Variants in DCP1B observed in about 807,000 individuals in gnomAD.
DCP1B encodes decapping mRNA 1B.
DCP1B carries 47 observed loss-of-function variants against 60.5 expected under a neutral mutation model. That is an observed-to-expected ratio of 0.78 (90% CI 0.61 to 0.99). The LOEUF (loss-of-function observed/expected upper bound fraction) is 0.99. Ranked by LOEUF, DCP1B falls within the 50% of genes least tolerant of loss-of-function variation. The probability of loss-of-function intolerance (pLI) is 0.00; values close to 1 mark genes in which losing one functional copy is unlikely to be tolerated. For missense variants in DCP1B, 725 were observed against 756.8 expected (o/e 0.96, Z 0.49); for synonymous variants, 267 against 280.3 (o/e 0.95, Z 0.47).
intron 6 of DCP1B, among the ~76,000 whole-genome samples, chr12:1,953,661 A>G (rs1165157746): frequency 6.6e-6 from 1 of 152,228 alleles, no homozygotes; most frequent in Non-Finnish European, 1.5e-5. Context: ...GTAATATGAG[A>G]ATACAAAGGA....
In DCP1B at chr12:1,953,130, A is replaced by C. The variant is rs1195463471; in HGVS notation, c.810T>G (p.Val270=). The C allele has an allele frequency of 1.2e-6, 2 of 1,612,972 alleles. No homozygotes were observed. Among genetic ancestry groups the C allele is most frequent in the East Asian group, 4.5e-5 (2 of 44,800 alleles). ...QQEKLPIRQG[V]VRSLSYEEPR... ...GTTCCTCATAGGACAGGGAGCGTAC[A>C]ACCCCCTGCCTAATTGGAAGCTTCT... Residue 270 remains valine, a synonymous_variant, in exon 7 of 9, where the codon GTT becomes GTG. Coordinates refer to ENST00000280665, the MANE Select transcript of DCP1B (RefSeq NM_152640.5).
downstream of DCP1B, among the ~76,000 whole-genome samples, chr12:1,945,193 G>A (rs887510170): frequency 8.5e-5 from 13 of 152,282 alleles, no homozygotes; most frequent in African/African-American, 2.9e-4. Flanking sequence ...ATCATCACTG[G>A]TCATTAGAGA....
At chr12:1,969,586 G>GC in intron 3 of DCP1B, among the ~76,000 whole-genome samples, 1 of 140,284 alleles carries the variant, frequency 7.1e-6, no homozygotes, top group East Asian at 2.1e-4. Flanking sequence ...GAGTTCTGAA[G>GC]CCCATGTGCT....
chr12:1,953,378 T>C (rs2030764213), intron 6 of DCP1B, 90 bp from the exon 7 acceptor site: 1 of 1,349,436 alleles, frequency 7.4e-7, no homozygotes, highest in South Asian at 1.5e-5. Flanking sequence ...TGATGACTTA[T>C]TCTATTTACA....
chr12:1,990,373 C>A (rs975216915), intron 3 of DCP1B, among the ~76,000 whole-genome samples: 4 of 152,142 alleles, frequency 2.6e-5, no homozygotes, highest in South Asian at 2.1e-4. Flanking sequence ...ATGTTTAAAC[C>A]CTTTAAACAA....
rs992002224 is a variant in DCP1B at position 1,948,856 on chromosome 12, C to T, written c.1773+230G>A. ...GACAGCTTGGAGGCCTTAGACAGTC[C>T]TTCAAATTACAAAATCCTTGAAGAG... On this transcript the variant is annotated intron_variant, in intron 8 of 8. Coordinates refer to ENST00000280665, the MANE Select transcript of DCP1B (RefSeq NM_152640.5). This position sits in a 1 kb window ranked among gnomAD's most constrained non-coding sequence, Gnocchi z 4.8. Among the ~76,000 whole-genome samples the T allele has an allele frequency of 7.2e-5, 11 of 152,222 alleles. 1 individual carries two copies. The highest frequency in any genetic ancestry group is 2.4e-4 in the African/African-American group (10 of 41,452).
rs549038192 is a variant in DCP1B at position 1,961,484 on chromosome 12, T to A, written c.522+4074A>T. The A allele has an allele frequency of 6.6e-5, 10 of 152,316 alleles. No homozygotes were observed. In the South Asian group the frequency reaches 2.1e-3, roughly 32 times the overall value. 9.4% of individuals were successfully genotyped at this position (152,316 alleles called of 1,614,324 possible). A position where few individuals can be genotyped will look rare whatever the true frequency, so the allele number is the denominator to read the frequency against. On this transcript the variant is annotated intron_variant, in intron 5 of 8. Coordinates refer to ENST00000280665, the MANE Select transcript of DCP1B (RefSeq NM_152640.5). ...ACGCATAAAACAACATGTATTTGAT[T>A]TTTACAGAAAAGCACCTTCTATACA... is the stretch of plus-strand genomic sequence containing the variant.
rs185853836 is a variant in DCP1B, at chr12:1,961,829, G to T, written c.522+3729C>A. Among the ~76,000 whole-genome samples the T allele has an allele frequency of 2.7e-4, 41 of 152,296 alleles. No homozygotes were observed. In the East Asian group the frequency reaches 7.4e-3, roughly 27 times the overall value. On this transcript the variant is annotated intron_variant, in intron 5 of 8. Transcript: ENST00000280665. Reference sequence around the variant, plus strand: ...TTCCAAGACATAGGCACAGTATAAAGTGATGGCCTAAATTAAATCTCCAGA... The same window carrying T: ...TTCCAAGACATAGGCACAGTATAAATTGATGGCCTAAATTAAATCTCCAGA...
At chr12:1,979,948 A>G (rs2035624293) in intron 3 of DCP1B, among the ~76,000 whole-genome samples, 1 of 152,236 alleles carries the variant, frequency 6.6e-6, no homozygotes, top group Non-Finnish European at 1.5e-5. Context: ...CAGAATTCCC[A>G]GAAAATTAAA....
At chr12:1,943,148 A>G (rs2030321389), downstream of DCP1B, among the ~76,000 whole-genome samples, 1 of 152,220 alleles carries the variant, frequency 6.6e-6, no homozygotes, top group Non-Finnish European at 1.5e-5. Flanking sequence ...ACAAACTACC[A>G]TCAGAGAATA....
At chr12:1,946,365 A>T in intron 8 of DCP1B, 79 bp from the exon 9 acceptor site, 1 of 1,143,350 alleles carries the variant, frequency 8.7e-7, no homozygotes, top group Non-Finnish European at 1.2e-6. Flanking sequence ...TTAGAGCTGA[A>T]CTGGCCTTTG....
intron 3 of DCP1B, among the ~76,000 whole-genome samples, chr12:1,979,210 C>T (rs112009517): frequency 0.027 from 4,145 of 152,308 alleles, 93 homozygotes; most frequent in Middle Eastern, 0.054. Context: ...GATGGGGTTT[C>T]GCCATGTTGG....
chr12:1,960,977 G>C (rs1027123028), intron 5 of DCP1B, among the ~76,000 whole-genome samples: 3 of 152,156 alleles, frequency 2.0e-5, no homozygotes, highest in Non-Finnish European at 4.4e-5. Flanking sequence ...CTGTGTGTGA[G>C]TGCAGAGACA....
intron 5 of DCP1B, among the ~76,000 whole-genome samples, chr12:1,963,494 C>T (rs190296078): frequency 1.8e-4 from 28 of 152,324 alleles, no homozygotes; most frequent in Admixed American, 6.5e-4. Context: ...CACCTTCAAA[C>T]GGATAACTAA....
chr12:1,946,422 A>G lies in DCP1B; in HGVS notation c.1774-136T>C. ...CCCTGTCTAACAGCTGGTGGTTTTT[A>G]ATTGCATGTGTGAATGTTAAGTGGG... On this transcript the variant is annotated intron_variant, in intron 8 of 8. Coordinates refer to ENST00000280665, the MANE Select transcript of DCP1B (RefSeq NM_152640.5). 4.8e-6 allele frequency: 3 copies of G among 620,006 alleles called. No individual in the cohort carries two copies. In the South Asian group the frequency reaches 8.1e-5, roughly 17 times the overall value. 38.4% of individuals were successfully genotyped at this position (620,006 alleles called of 1,614,324 possible). A position where few individuals can be genotyped will look rare whatever the true frequency, so the allele number is the denominator to read the frequency against.
At chr12:1,994,250 A>G (rs1179722201) in intron 2 of DCP1B, among the ~76,000 whole-genome samples, 1 of 152,216 alleles carries the variant, frequency 6.6e-6, no homozygotes, top group East Asian at 1.9e-4. Flanking sequence ...CTGAAGCTGA[A>G]GCAAGCAGAA....
rs1444143624 is a variant in DCP1B at position 1,971,374 on chromosome 12, G to A, written c.320-3464C>T. On this transcript the variant is annotated intron_variant, in intron 3 of 8. Transcript: ENST00000280665. The surrounding 1 kb of genome is among the most constrained non-coding windows in gnomAD (Gnocchi z 4.2). ...TTTTGCCTGTAACTGCACTATCCTG[G>A]TTTATGCCGTTCTTTGGAAATTCTC... Among the ~76,000 whole-genome samples, 3 of 152,070 alleles carry A rather than the reference G, an allele frequency of 2.0e-5. No homozygotes were observed. Among genetic ancestry groups the A allele is most frequent in the Non-Finnish European group, 4.4e-5 (3 of 68,010 alleles).
At chr12:2,002,365 GTC>G (rs1322264662) in intron 1 of DCP1B, among the ~76,000 whole-genome samples, 1 of 152,200 alleles carries the variant, frequency 6.6e-6, no homozygotes, top group South Asian at 2.1e-4. Flanking sequence ...GTTGAACTAG[GTC>G]TCTCTGTTTT....
rs924718438 is a variant in DCP1B, at chr12:1,948,911, T to C, written c.1773+175A>G. 6.6e-6 allele frequency among the ~76,000 whole-genome samples: 1 copy of C among 152,200 alleles called. No homozygotes were observed. Among genetic ancestry groups the C allele is most frequent in the Non-Finnish European group, 1.5e-5 (1 of 68,026 alleles). On this transcript the variant is annotated intron_variant, in intron 8 of 8. Transcript: ENST00000280665. This position sits in a 1 kb window ranked among gnomAD's most constrained non-coding sequence, Gnocchi z 4.8. ...GACACCCAAGCCACACTTGGTATTA[T>C]AAATAACACCTAGCTAACTGAGCAC...
Sources: gnomAD v4.1 joint callset for allele counts (sites outside exome capture counted in the v4.1 genomes callset) on GRCh38, gnomAD v4.1.1 for gene constraint, Gnocchi (gnomAD v3.1) non-coding constraint, MANE v1.5 for transcripts, NCBI Gene and HGNC (gene_info 2026-07-23, HGNC 2026-07-21) for gene names.